Variants in MSRB3 observed in about 807,000 individuals in gnomAD.
MSRB3 encodes the protein methionine sulfoxide reductase B3, also known as methionine-R-sulfoxide reductase B3.
In MSRB3, 13 loss-of-function variants were observed where a neutral mutation model predicts 21.0. The ratio of observed to expected loss-of-function variants is 0.62; its 90% CI spans 0.40 to 0.98. MSRB3 has a LOEUF of 0.98. Ranked by LOEUF, MSRB3 falls within the 50% of genes least tolerant of loss-of-function variation. MSRB3 has a pLI of 0.00. For synonymous variants in MSRB3, 87 were observed against 88.6 expected (o/e 0.98, Z 0.10); for missense variants, 199 against 230.3 (o/e 0.86, Z 0.88).
intron 4 of MSRB3, chr12:65,344,215 TAG>T (rs982700727): frequency 2.0e-5 from 3 of 152,096 alleles, no homozygotes; most frequent in Admixed American, 1.3e-4. Context: ...CTTGTTGGAA[TAG>T]AGACTGGAGA....
intron 5 of MSRB3, among the ~76,000 whole-genome samples, chr12:65,388,086 A>C (rs939698821): frequency 6.6e-6 from 1 of 152,226 alleles, no homozygotes; most frequent in Non-Finnish European, 1.5e-5. Context: ...AAATATTAGC[A>C]TTCACTGTTG....
intron 2 of MSRB3, chr12:65,316,369 T>C (rs760764226): frequency 6.6e-6 from 1 of 152,030 alleles, no homozygotes; most frequent in Non-Finnish European, 1.5e-5. Flanking sequence ...GAAAAAAAGA[T>C]GGGGGTGGAA....
At chr12:65,437,375 G>T (rs1882169293) in intron 5 of MSRB3, among the ~76,000 whole-genome samples, 1 of 151,816 alleles carries the variant, frequency 6.6e-6, no homozygotes, top group Admixed American at 6.6e-5. Context: ...CAGGAATTTT[G>T]GATACAGGAG....
chr12:65,375,813 A>T (rs185315434), intron 5 of MSRB3, among the ~76,000 whole-genome samples: 8 of 150,792 alleles, frequency 5.3e-5, no homozygotes, highest in Non-Finnish European at 7.4e-5. Context: ...TTTTTTTTTT[A>T]AATTTCCAAA....
intron 5 of MSRB3, among the ~76,000 whole-genome samples, chr12:65,397,082 T>C (rs1224745158): frequency 6.6e-6 from 1 of 152,214 alleles, no homozygotes; most frequent in African/African-American, 2.4e-5. Context: ...TTATGTCCTC[T>C]TGGAGCATTG....
chr12:65,312,870 A>T (rs1269778948), intron 2 of MSRB3, among the ~76,000 whole-genome samples: 1 of 152,112 alleles, frequency 6.6e-6, no homozygotes, highest in Non-Finnish European at 1.5e-5. Flanking sequence ...CATAGCTGTA[A>T]GAGAGTACAA....
intron 2 of MSRB3, among the ~76,000 whole-genome samples, chr12:65,325,864 T>C (rs1421097866): frequency 2.0e-5 from 3 of 152,208 alleles, no homozygotes; most frequent in African/African-American, 7.2e-5. Context: ...TATATTTCTT[T>C]TCAGTCATTT....
At chr12:65,440,119 G>A (rs952054410) in intron 5 of MSRB3, among the ~76,000 whole-genome samples, 1 of 151,582 alleles carries the variant, frequency 6.6e-6, no homozygotes, top group East Asian at 1.9e-4. Flanking sequence ...AGCCCGATTG[G>A]TATTCTGTTT....
intron 4 of MSRB3, among the ~76,000 whole-genome samples, chr12:65,334,736 A>C (rs1439295990): frequency 6.6e-6 from 1 of 152,222 alleles, no homozygotes; most frequent in Non-Finnish European, 1.5e-5. Flanking sequence ...AATCCTGACA[A>C]GAAAATGGAG....
intron 5 of MSRB3, among the ~76,000 whole-genome samples, chr12:65,379,345 T>C (rs996851859): frequency 3.9e-5 from 6 of 152,198 alleles, no homozygotes; most frequent in African/African-American, 1.4e-4. Context: ...TTGGAAGCGA[T>C]TGTAGAGCTG....
At chr12:65,288,482 A>G (rs561538190) in intron 1 of MSRB3, among the ~76,000 whole-genome samples, 1 of 152,300 alleles carries the variant, frequency 6.6e-6, no homozygotes, top group African/African-American at 2.4e-5. Flanking sequence ...CACTGCATCT[A>G]AGATCTTATG....
At chr12:65,427,275 G>C (rs970668442) in intron 5 of MSRB3, among the ~76,000 whole-genome samples, 1 of 152,166 alleles carries the variant, frequency 6.6e-6, no homozygotes. Flanking sequence ...AGGTGCAGCT[G>C]TGTATGTCTC....
intron 4 of MSRB3, 46 bp from the exon 5 acceptor site, chr12:65,368,952 T>C: frequency 8.8e-6 from 8 of 911,016 alleles, no homozygotes; most frequent in Non-Finnish European, 1.3e-5. Flanking sequence ...TAATTGTTCT[T>C]TTACAAACAG....
At chr12:65,279,035 C>A in intron 1 of MSRB3, 170 bp downstream of exon 1, 1 of 1,428,606 alleles carries the variant, frequency 7.0e-7, no homozygotes, top group East Asian at 2.6e-5. Context: ...AGAAGGGTTG[C>A]GCCCCGCGCC....
At chr12:65,279,826 G>A (rs1235276629) in intron 1 of MSRB3, among the ~76,000 whole-genome samples, 1 of 152,168 alleles carries the variant, frequency 6.6e-6, no homozygotes, top group African/African-American at 2.4e-5. Context: ...GGACTTTTAC[G>A]TTTGTGATGA....
intron 2 of MSRB3, among the ~76,000 whole-genome samples, chr12:65,324,431 A>G (rs561431686): frequency 1.3e-5 from 2 of 152,332 alleles, no homozygotes; most frequent in South Asian, 4.1e-4. Flanking sequence ...AGTGGAAAAC[A>G]ATCTGTTTTT....
intron 2 of MSRB3, 92 bp from the exon 3 acceptor site, chr12:65,326,734 A>G: frequency 1.1e-6 from 1 of 898,852 alleles, no homozygotes; most frequent in Non-Finnish European, 1.8e-6. Context: ...TTGACAAGTG[A>G]CTGCAGAAGC....
At chr12:65,304,819 G>T (rs1283107335) in intron 1 of MSRB3, among the ~76,000 whole-genome samples, 1 of 152,210 alleles carries the variant, frequency 6.6e-6, no homozygotes, top group Non-Finnish European at 1.5e-5. Flanking sequence ...TTCAATTTAG[G>T]TGATCTGAGA....
chr12:65,433,534 G>C (rs1272762696), intron 5 of MSRB3, among the ~76,000 whole-genome samples: 1 of 151,804 alleles, frequency 6.6e-6, no homozygotes, highest in Admixed American at 6.6e-5. Context: ...AATGGTGTGA[G>C]GGAGATACTT....
Sources: gnomAD v4.1 joint callset for allele counts (sites outside exome capture counted in the v4.1 genomes callset) on GRCh38, gnomAD v4.1.1 for gene constraint, MANE v1.5 for transcripts, NCBI Gene and HGNC (gene_info 2026-07-23, HGNC 2026-07-21) for gene names.